TFPI: variants seen among roughly 807,000 people sequenced by gnomAD.
The protein encoded by TFPI is tissue factor pathway inhibitor.
Under a neutral mutation model 34.6 loss-of-function variants are expected in TFPI, and 15 were observed. The observed-to-expected ratio is 0.43, with a 90% CI of 0.29 to 0.67. TFPI has a LOEUF of 0.67. Among genes scored for constraint, TFPI ranks in the 30% least tolerant of loss-of-function variants. TFPI has a pLI of 0.15. For synonymous variants in TFPI, 105 were observed against 120.1 expected (o/e 0.87, Z 0.82); for missense variants, 301 against 364.0 (o/e 0.83, Z 1.41).
chr2:187,472,490 AC>A (rs1692103693), intron 6 of TFPI, among the ~76,000 whole-genome samples: 1 of 152,294 alleles, frequency 6.6e-6, no homozygotes, highest in East Asian at 1.9e-4. Context: ...TATGCCTACA[AC>A]GACATTTAAA....
chr2:187,479,959 G>A (rs951723831), intron 6 of TFPI, among the ~76,000 whole-genome samples: 2 of 151,836 alleles, frequency 1.3e-5, no homozygotes, highest in African/African-American at 4.8e-5. Context: ...CAAAAAGTTC[G>A]GAAAGTTGGA....
At chr2:187,529,598 C>T (rs1432572721) in intron 1 of TFPI, 1 of 152,108 alleles carries the variant, frequency 6.6e-6, no homozygotes, top group Non-Finnish European at 1.5e-5. Flanking sequence ...GTTAATTACC[C>T]CCTAAAACCT....
intron 1 of TFPI, among the ~76,000 whole-genome samples, chr2:187,531,627 A>C (rs1687962598): frequency 6.6e-6 from 1 of 152,104 alleles, no homozygotes; most frequent in Non-Finnish European, 1.5e-5. Context: ...TGTCAACCAA[A>C]AATTTTATTT....
intron 1 of TFPI, chr2:187,546,759 G>C (rs886781479): frequency 1.3e-5 from 2 of 152,066 alleles, no homozygotes; most frequent in African/African-American, 4.8e-5. Context: ...TAAGCAAATG[G>C]TATTTCAGGA....
intron 1 of TFPI, among the ~76,000 whole-genome samples, chr2:187,551,005 A>C (rs1298157469): frequency 6.6e-6 from 1 of 152,112 alleles, no homozygotes; most frequent in Admixed American, 6.6e-5. Flanking sequence ...TGGTGGCAGC[A>C]CTTGAGGGTG....
At chr2:187,468,557 T>C (rs1691849570) in intron 6 of TFPI, among the ~76,000 whole-genome samples, 2 of 152,114 alleles carry the variant, frequency 1.3e-5, no homozygotes, top group African/African-American at 4.8e-5. Flanking sequence ...ATTTGAAGCT[T>C]AGTTCTAGAT....
chr2:187,547,230 C>T (rs946487565), intron 1 of TFPI: 4 of 152,170 alleles, frequency 2.6e-5, no homozygotes, highest in African/African-American at 9.7e-5. Context: ...AAAATCTACA[C>T]TCATAATACC....
At chr2:187,480,988 A>G (rs1461575294) in intron 6 of TFPI, among the ~76,000 whole-genome samples, 1 of 152,132 alleles carries the variant, frequency 6.6e-6, no homozygotes. Flanking sequence ...CAATTTTTAA[A>G]AAGTCATATT....
At chr2:187,507,881 T>C (rs1391923546) in intron 1 of TFPI, among the ~76,000 whole-genome samples, 2 of 152,224 alleles carry the variant, frequency 1.3e-5, no homozygotes. Context: ...ATGAAGTCTT[T>C]GCCCATACCT....
At chr2:187,553,304 T>C (rs530755201) in intron 1 of TFPI, among the ~76,000 whole-genome samples, 2 of 152,126 alleles carry the variant, frequency 1.3e-5, no homozygotes, top group Non-Finnish European at 2.9e-5. Context: ...TCTCATGTTA[T>C]ACAAAGTCAT....
At chr2:187,528,879 T>C (rs1167128897) in intron 1 of TFPI, among the ~76,000 whole-genome samples, 1 of 151,554 alleles carries the variant, frequency 6.6e-6, no homozygotes, top group East Asian at 1.9e-4. Flanking sequence ...AAAAAATTAG[T>C]AAAAATCATA....
chr2:187,503,181 A>T (rs138027512), intron 2 of TFPI, among the ~76,000 whole-genome samples: 70 of 152,016 alleles, frequency 4.6e-4, no homozygotes, highest in African/African-American at 1.6e-3. Flanking sequence ...GGTTGACTAG[A>T]TTTTTATATT....
At chr2:187,502,524 A>T (rs779897978) in intron 2 of TFPI, among the ~76,000 whole-genome samples, 6 of 152,282 alleles carry the variant, frequency 3.9e-5, no homozygotes, top group Middle Eastern at 3.4e-3. Context: ...ATAATGTTCA[A>T]ATTCTTATTT....
intron 6 of TFPI, among the ~76,000 whole-genome samples, chr2:187,468,277 A>T (rs1366741097): frequency 1.3e-5 from 2 of 151,882 alleles, no homozygotes; most frequent in Non-Finnish European, 2.9e-5. Flanking sequence ...ACACACACAC[A>T]CACACACACA....
At chr2:187,497,557 A>T (rs932203768) in intron 2 of TFPI, among the ~76,000 whole-genome samples, 1 of 152,038 alleles carries the variant, frequency 6.6e-6, no homozygotes, top group South Asian at 2.1e-4. Context: ...ATAAAAATTT[A>T]TGTGTTTGAT....
chr2:187,534,049 C>G (rs1365961547), intron 1 of TFPI, among the ~76,000 whole-genome samples: 1 of 152,114 alleles, frequency 6.6e-6, no homozygotes, highest in South Asian at 2.1e-4. Flanking sequence ...AAGAAAGCCT[C>G]CAAGAAATAT....
At chr2:187,488,521 T>C in intron 3 of TFPI, 146 bp from the exon 4 acceptor site, 1 of 492,832 alleles carries the variant, frequency 2.0e-6, no homozygotes, top group Non-Finnish European at 3.4e-6. Flanking sequence ...GAATTTCTTT[T>C]TCTTTTCTCT....
In TFPI at chr2:187,529,058, A is replaced by G. The variant is rs531841269; in HGVS notation, c.-3+25142T>C. ...TGGAACACTGAACATACAATATTAT[A>G]AATGAAATTTATGTTGATAGTTAAC... On this transcript the variant is annotated intron_variant, in intron 1 of 7. Coordinates refer to ENST00000233156, the MANE Select transcript of TFPI (RefSeq NM_006287.6). 3.3e-5 allele frequency among the ~76,000 whole-genome samples: 5 copies of G among 152,312 alleles called. No individual in the cohort carries two copies. The South Asian group carries it at 1.0e-3, about 32-fold the overall frequency.
At chr2:187,478,787 T>G (rs777421936) in intron 6 of TFPI, 1 of 1,613,306 alleles carries the variant, frequency 6.2e-7, no homozygotes, top group South Asian at 1.1e-5. Context: ...AACCATCATT[T>G]GTTCCTTCTT....
Sources: allele counts gnomAD v4.1 joint callset (sites outside exome capture counted in the v4.1 genomes callset), GRCh38; gene constraint gnomAD v4.1.1; transcripts MANE v1.5; gene names NCBI Gene and HGNC (gene_info 2026-07-23, HGNC 2026-07-21).